Variants in C1QTNF7 observed in about 807,000 individuals in gnomAD.
The protein encoded by C1QTNF7 is complement C1q tumor necrosis factor-related protein 7.
C1QTNF7 carries 15 observed loss-of-function variants against 19.6 expected under a neutral mutation model. That is an observed-to-expected ratio of 0.76 (90% CI 0.51 to 1.18). The LOEUF is 1.18. C1QTNF7 is among the 50% of genes most tolerant of loss of function. The probability of loss-of-function intolerance (pLI) is 0.00; values close to 1 mark genes in which losing one functional copy is unlikely to be tolerated. For missense variants in C1QTNF7, 324 were observed against 359.7 expected (o/e 0.90, Z 0.80); for synonymous variants, 142 against 137.5 (o/e 1.03, Z -0.23).
At chr4:15,421,197 G>A (rs1204916705) in intron 1 of C1QTNF7, among the ~76,000 whole-genome samples, 3 of 151,984 alleles carry the variant, frequency 2.0e-5, no homozygotes, top group African/African-American at 7.3e-5. Flanking sequence ...AAAAAAGAGA[G>A]TTGAAGAGCT....
intron 1 of C1QTNF7, among the ~76,000 whole-genome samples, chr4:15,429,357 ACT>A (rs2108933276): frequency 6.6e-6 from 1 of 151,834 alleles, no homozygotes; most frequent in East Asian, 1.9e-4. Context: ...CCAAACTGAA[ACT>A]CTCTATACCC....
chr4:15,433,483 C>A (rs76763451), intron 1 of C1QTNF7, among the ~76,000 whole-genome samples: 15,666 of 152,066 alleles, frequency 0.1, 988 homozygotes, highest in East Asian at 0.31. Context: ...TTAAAGAAAA[C>A]AGAATAGATT....
At chr4:15,442,034 T>A in intron 2 of C1QTNF7, 134 bp from the exon 3 acceptor site, 1 of 872,332 alleles carries the variant, frequency 1.1e-6, no homozygotes, top group Non-Finnish European at 1.7e-6. Context: ...AAAAAAAAAG[T>A]TTATTATTTA....
At chr4:15,358,983 T>C (rs1717244102) in intron 1 of C1QTNF7, among the ~76,000 whole-genome samples, 1 of 152,116 alleles carries the variant, frequency 6.6e-6, no homozygotes, top group Non-Finnish European at 1.5e-5. Context: ...AATAGTTGCA[T>C]TTTTGCATTT....
intron 1 of C1QTNF7, among the ~76,000 whole-genome samples, chr4:15,388,372 GGTGGATTAGCCA>G (rs1718420537): frequency 6.6e-6 from 1 of 152,156 alleles, no homozygotes; most frequent in East Asian, 1.9e-4. Flanking sequence ...CAGCCAGAAT[GGTGGATTAGCCA>G]AATAAGTTAC....
At chr4:15,365,250 T>C (rs1045147282) in intron 1 of C1QTNF7, among the ~76,000 whole-genome samples, 3 of 152,142 alleles carry the variant, frequency 2.0e-5, no homozygotes, top group African/African-American at 7.2e-5. Context: ...TCTTTTTTTT[T>C]TCAGGCAGCA....
rs762195251 is a variant in C1QTNF7 at position 15,442,181 on chromosome 4, G to C, written c.252G>C (p.Lys84Asn). Residue 84 changes from lysine (K) to asparagine (N), a missense_variant, in exon 3 of 3, where the codon AAG (lysine) becomes AAC (asparagine). By Grantham distance (94) the Lys-to-Asn change is moderately conservative (BLOSUM62 0). Coordinates refer to ENST00000444304, the MANE Select transcript of C1QTNF7 (RefSeq NM_031911.5). Reference protein sequence around the residue: ...GEKGTAGLRGKTGPLGLAGEK... With the variant: ...GEKGTAGLRGNTGPLGLAGEK... The stretch of plus-strand genomic sequence containing the variant: ...CTCTTTCTGAAGGTTTGAGAGGTAA[G>C]ACTGGACCGCTAGGTCTTGCCGGTG... 5 of 1,608,762 alleles carry C rather than the reference G, an allele frequency of 3.1e-6. No individual in the cohort carries two copies. Among genetic ancestry groups the C allele is most frequent in the Non-Finnish European group, 3.4e-6 (4 of 1,178,412 alleles).
chr4:15,442,882 A>T lies in C1QTNF7; in HGVS notation c.*83A>T. The T allele has an allele frequency of 7.5e-7, 1 of 1,337,606 alleles. No homozygotes were observed. Among genetic ancestry groups the T allele is most frequent in the Non-Finnish European group, 1.0e-6 (1 of 987,914 alleles). 82.9% of individuals were successfully genotyped at this position (1,337,606 alleles called of 1,614,324 possible). A position where few individuals can be genotyped will look rare whatever the true frequency, so the allele number is the denominator to read the frequency against. On this transcript the variant is annotated 3_prime_UTR_variant, in exon 3 of 3. Coordinates refer to ENST00000444304, the MANE Select transcript of C1QTNF7 (RefSeq NM_031911.5). ...GAACAAGCAGGAATGGGATCCAAAG[A>T]GACTCCCACTCAGATTCTAAAGCAT... is the stretch of plus-strand genomic sequence containing the variant.
chr4:15,356,799 C>A (rs770648397), intron 1 of C1QTNF7, among the ~76,000 whole-genome samples: 1 of 152,098 alleles, frequency 6.6e-6, no homozygotes, highest in Non-Finnish European at 1.5e-5. Context: ...TTCTAACTGG[C>A]GTGAGATGGT....
At chr4:15,389,592 T>A (rs1718477713) in intron 1 of C1QTNF7, among the ~76,000 whole-genome samples, 1 of 152,146 alleles carries the variant, frequency 6.6e-6, no homozygotes, top group Non-Finnish European at 1.5e-5. Context: ...GCTAATTTTG[T>A]ATTTTTAGTA....
intron 2 of C1QTNF7, among the ~76,000 whole-genome samples, chr4:15,441,524 TATC>T (rs1712755377): frequency 6.6e-6 from 1 of 152,234 alleles, no homozygotes; most frequent in African/African-American, 2.4e-5. Context: ...TGAGAAATAA[TATC>T]ATCATGCTCA....
At chr4:15,409,290 A>T (rs1298643983) in intron 1 of C1QTNF7, among the ~76,000 whole-genome samples, 1 of 152,214 alleles carries the variant, frequency 6.6e-6, no homozygotes, top group Non-Finnish European at 1.5e-5. Context: ...CATGGTAGTG[A>T]TGGTCCTCAG....
intron 1 of C1QTNF7, among the ~76,000 whole-genome samples, chr4:15,434,022 G>A (rs1185071234): frequency 1.3e-5 from 2 of 152,056 alleles, no homozygotes; most frequent in African/African-American, 4.8e-5. Context: ...AGCTCCTTTG[G>A]AAGGCCTGTA....
intron 1 of C1QTNF7, among the ~76,000 whole-genome samples, chr4:15,366,906 A>C (rs1165756876): frequency 6.6e-6 from 1 of 152,140 alleles, no homozygotes; most frequent in Non-Finnish European, 1.5e-5. Context: ...GGAATGGAAA[A>C]ATTGGGGGGA....
At chr4:15,343,934 T>C (rs1716631711) in intron 1 of C1QTNF7, among the ~76,000 whole-genome samples, 1 of 152,216 alleles carries the variant, frequency 6.6e-6, no homozygotes, top group African/African-American at 2.4e-5. Flanking sequence ...TTTCAGGACC[T>C]AAGTGGCAGA....
At chr4:15,436,252 C>T (rs1319535528) in intron 2 of C1QTNF7, among the ~76,000 whole-genome samples, 2 of 152,180 alleles carry the variant, frequency 1.3e-5, no homozygotes, top group East Asian at 3.9e-4. Flanking sequence ...AAATGAATTA[C>T]TGAGAATGGA....
intron 1 of C1QTNF7, among the ~76,000 whole-genome samples, chr4:15,340,612 G>A (rs143212441): frequency 6.6e-6 from 1 of 152,022 alleles, no homozygotes; most frequent in African/African-American, 2.4e-5. Flanking sequence ...CTATTAACTT[G>A]GAAATGTTTC....
At chr4:15,368,579 T>A (rs1265461354) in intron 1 of C1QTNF7, among the ~76,000 whole-genome samples, 1 of 152,198 alleles carries the variant, frequency 6.6e-6, no homozygotes, top group African/African-American at 2.4e-5. Flanking sequence ...CTGAGAATGA[T>A]GGTTTCCAGC....
intron 1 of C1QTNF7, among the ~76,000 whole-genome samples, chr4:15,432,209 C>T (rs1198701028): frequency 3.9e-5 from 6 of 152,134 alleles, no homozygotes; most frequent in African/African-American, 7.2e-5. Flanking sequence ...TGTAGACCAT[C>T]GCACCATGTA....
Sources: gnomAD v4.1 joint callset for allele counts (sites outside exome capture counted in the v4.1 genomes callset) on GRCh38, gnomAD v4.1.1 for gene constraint, MANE v1.5 for transcripts, NCBI Gene and HGNC (gene_info 2026-07-23, HGNC 2026-07-21) for gene names.